Variants in KCNJ6 observed in about 807,000 individuals in gnomAD.
KCNJ6 encodes the protein G protein-activated inward rectifier potassium channel 2.
KCNJ6 carries 9 observed loss-of-function variants against 34.2 expected under a neutral mutation model. The observed-to-expected ratio is 0.26, with a 90% CI of 0.16 to 0.46. KCNJ6 has a LOEUF of 0.46. Ranked by LOEUF, KCNJ6 falls within the 20% of genes least tolerant of loss-of-function variation. The probability of loss-of-function intolerance (pLI) is 1.00; values close to 1 mark genes in which losing one functional copy is unlikely to be tolerated. For missense variants in KCNJ6, 236 were observed against 531.3 expected (o/e 0.44, Z 5.46); for synonymous variants, 196 against 207.1 (o/e 0.95, Z 0.46).
At chr21:37,636,326 G>A (rs773070384) in intron 3 of KCNJ6, among the ~76,000 whole-genome samples, 19 of 152,190 alleles carry the variant, frequency 1.2e-4, no homozygotes, top group Non-Finnish European at 1.9e-4. Context: ...AAACTGACAC[G>A]CAAACTCACC....
At chr21:37,630,158 G>GT (rs1556010880) in intron 3 of KCNJ6, among the ~76,000 whole-genome samples, 3,468 of 145,780 alleles carry the variant, frequency 0.024, 102 homozygotes, top group East Asian at 0.071. Context: ...GTGTGTGTGT[G>GT]GTGTTTATGT....
chr21:37,740,653 G>T (rs1023656307), intron 2 of KCNJ6, among the ~76,000 whole-genome samples: 12 of 152,202 alleles, frequency 7.9e-5, no homozygotes, highest in Non-Finnish European at 1.5e-4. Context: ...GACCTCCTGA[G>T]GGCTGTGTCA....
rs139418574 is a variant in KCNJ6 at position 37,639,768 on chromosome 21, C to T, written c.947-14284G>A. ...ATGTTGGAGGTGGCCTGGTGGAAGA[C>T]GACTGGATCATGGAGGCAGATTTTC... On this transcript the variant is annotated intron_variant, in intron 3 of 3. Transcript: ENST00000609713. 1.3e-3 allele frequency among the ~76,000 whole-genome samples: 199 copies of T among 152,286 alleles called. 1 individual carries two copies. The highest frequency in any genetic ancestry group is 2.7e-3 in the South Asian group (13 of 4,828).
intron 2 of KCNJ6, among the ~76,000 whole-genome samples, chr21:37,788,832 C>A (rs1242014982): frequency 6.6e-6 from 1 of 152,120 alleles, no homozygotes; most frequent in Non-Finnish European, 1.5e-5. Context: ...AAGAGGAGCC[C>A]AGCTCAAACT....
intron 2 of KCNJ6, among the ~76,000 whole-genome samples, chr21:37,740,346 C>A (rs2054934694): frequency 1.3e-5 from 2 of 152,196 alleles, no homozygotes; most frequent in South Asian, 2.1e-4. Flanking sequence ...CTGAAGCCTG[C>A]AACCTGGAGG....
At chr21:37,817,907 T>G (rs892197164) in intron 2 of KCNJ6, among the ~76,000 whole-genome samples, 1 of 152,202 alleles carries the variant, frequency 6.6e-6, no homozygotes, top group African/African-American at 2.4e-5. Flanking sequence ...CTGAATATCA[T>G]TAACAGTTTT....
intron 2 of KCNJ6, among the ~76,000 whole-genome samples, chr21:37,790,071 C>T (rs927793256): frequency 2.6e-5 from 4 of 152,156 alleles, no homozygotes; most frequent in Non-Finnish European, 4.4e-5. Flanking sequence ...CAGCTCTGAC[C>T]AGTCTAGTCT....
chr21:37,695,836 C>T lies in KCNJ6; in HGVS notation c.946+18375G>A, dbSNP rs1484479747. Among the ~76,000 whole-genome samples the T allele has an allele frequency of 2.6e-5, 4 of 152,148 alleles. No homozygotes were observed. The highest frequency in any genetic ancestry group is 5.9e-5 in the Non-Finnish European group (4 of 68,030). On this transcript the variant is annotated intron_variant, in intron 3 of 3. Transcript: ENST00000609713. This position sits in a 1 kb window ranked among gnomAD's most constrained non-coding sequence, Gnocchi z 4.2. ...TTTGGAGAAATGTCTGACTCCAGAG[C>T]TGGAGCTGAAAAAGTCCAAGGTGAG...
At chr21:37,914,005 CGG>C (rs1344892661) in intron 1 of KCNJ6, among the ~76,000 whole-genome samples, 3 of 78,438 alleles carry the variant, frequency 3.8e-5, no homozygotes, top group South Asian at 5.6e-4. Context: ...AGAGGCGGAT[CGG>C]GGTGTGTGTG....
intron 3 of KCNJ6, among the ~76,000 whole-genome samples, chr21:37,631,894 TGAGA>T (rs1360014527): frequency 6.6e-6 from 1 of 152,068 alleles, no homozygotes; most frequent in Non-Finnish European, 1.5e-5. Context: ...TGCCAAAAAC[TGAGA>T]GAGAGCCTGT....
chr21:37,884,327 C>G (rs2055724444), intron 1 of KCNJ6, among the ~76,000 whole-genome samples: 1 of 152,180 alleles, frequency 6.6e-6, no homozygotes, highest in Non-Finnish European at 1.5e-5. Flanking sequence ...CTCTCAAGTT[C>G]ATGGTCATGC....
intron 3 of KCNJ6, among the ~76,000 whole-genome samples, chr21:37,699,843 G>A (rs1052897500): frequency 2.0e-5 from 3 of 152,034 alleles, no homozygotes; most frequent in African/African-American, 4.8e-5. Flanking sequence ...GGGTGGGAGG[G>A]GAACCTATAG....
intron 2 of KCNJ6, among the ~76,000 whole-genome samples, chr21:37,826,697 A>C (rs2055400705): frequency 6.6e-6 from 1 of 152,206 alleles, no homozygotes; most frequent in Non-Finnish European, 1.5e-5. Context: ...GATTTACTCA[A>C]AGAAAGATTT....
chr21:37,664,552 C>T (rs1284068633), intron 3 of KCNJ6, among the ~76,000 whole-genome samples: 1 of 151,744 alleles, frequency 6.6e-6, no homozygotes, highest in East Asian at 1.9e-4. Flanking sequence ...TGAATTCATA[C>T]CAGCAAATTG....
At chr21:37,677,770 G>GTCCATTCATCCATCCATCCATCCA (rs2054571451) in intron 3 of KCNJ6, among the ~76,000 whole-genome samples, 1 of 7,342 alleles carries the variant, frequency 1.4e-4, no homozygotes, top group Non-Finnish European at 3.0e-4. Context: ...CAAACCATTT[G>GTCCATTCATCCATCCATCCATCCA]TCCATCCATC....
intron 1 of KCNJ6, among the ~76,000 whole-genome samples, chr21:37,853,846 G>GTGTGTATATATATATATATATA (rs71198897): frequency 3.1e-4 from 36 of 115,946 alleles, no homozygotes; most frequent in South Asian, 7.7e-4. Context: ...ATATATATAT[G>GTGTGTATATATATATATATATA]TATATATATA....
intron 2 of KCNJ6, among the ~76,000 whole-genome samples, chr21:37,751,640 T>G (rs901267945): frequency 6.6e-6 from 1 of 152,234 alleles, no homozygotes; most frequent in Non-Finnish European, 1.5e-5. Flanking sequence ...CTAAATGTGA[T>G]GTTTATGGTA....
At chr21:37,651,003 A>G (rs759728487) in intron 3 of KCNJ6, among the ~76,000 whole-genome samples, 13 of 152,276 alleles carry the variant, frequency 8.5e-5, no homozygotes, top group Non-Finnish European at 1.6e-4. Flanking sequence ...ATCAGAATGA[A>G]TGAAACTAGA....
intron 3 of KCNJ6, among the ~76,000 whole-genome samples, chr21:37,685,805 A>G (rs1253530802): frequency 2.0e-5 from 3 of 151,616 alleles, no homozygotes; most frequent in Non-Finnish European, 4.4e-5. Flanking sequence ...AGTTATAGAA[A>G]TGATCGTATG....
Sources: gnomAD v4.1 joint callset for allele counts (sites outside exome capture counted in the v4.1 genomes callset) on GRCh38, gnomAD v4.1.1 for gene constraint, Gnocchi (gnomAD v3.1) non-coding constraint, MANE v1.5 for transcripts, NCBI Gene and HGNC (gene_info 2026-07-23, HGNC 2026-07-21) for gene names.